CFI: variants seen among roughly 807,000 people sequenced by gnomAD.
The protein encoded by CFI is C3B/C4B inactivator.
CFI carries 66 observed loss-of-function variants against 78.8 expected under a neutral mutation model. The observed-to-expected ratio is 0.84, with a 90% CI of 0.69 to 1.03. The LOEUF (loss-of-function observed/expected upper bound fraction) is 1.03. CFI is among the 50% of genes least tolerant of loss of function. The pLI is 0.00. For missense variants in CFI, 706 were observed against 704.5 expected (o/e 1.00, Z -0.02); for synonymous variants, 250 against 232.6 (o/e 1.07, Z -0.68).
intron 8 of CFI, among the ~76,000 whole-genome samples, 190 bp from the exon 9 acceptor site, chr4:109,749,792 A>G (rs1724922211): frequency 6.6e-6 from 1 of 152,148 alleles, no homozygotes. Context: ...GCTTGATATT[A>G]AAATTGGCTT....
chr4:109,800,980 A>G (rs992936229), intron 1 of CFI, among the ~76,000 whole-genome samples: 1 of 152,212 alleles, frequency 6.6e-6, no homozygotes, highest in East Asian at 1.9e-4. Context: ...ACTATTTTAG[A>G]AGTTACAAGA....
intron 1 of CFI, among the ~76,000 whole-genome samples, chr4:109,786,087 C>A (rs1730702341): frequency 6.6e-6 from 1 of 151,928 alleles, no homozygotes; most frequent in East Asian, 1.9e-4. Flanking sequence ...AGAGTGAGTG[C>A]AGTGACAATT....
chr4:109,742,848 G>A (rs1046994233), intron 11 of CFI, among the ~76,000 whole-genome samples: 1 of 152,170 alleles, frequency 6.6e-6, no homozygotes, highest in Non-Finnish European at 1.5e-5. Context: ...ACCTTAAGTT[G>A]AATGAGATAA....
intron 1 of CFI, among the ~76,000 whole-genome samples, chr4:109,778,743 G>C (rs909628628): frequency 6.6e-6 from 1 of 152,174 alleles, no homozygotes; most frequent in African/African-American, 2.4e-5. Flanking sequence ...TAAAATACTG[G>C]CAAACCGAAT....
chr4:109,747,961 A>G (rs1724683964), intron 10 of CFI, among the ~76,000 whole-genome samples: 2 of 152,168 alleles, frequency 1.3e-5, no homozygotes, highest in African/African-American at 2.4e-5. Flanking sequence ...GGTGGAGCTC[A>G]GGTGGTAATG....
chr4:109,758,787 G>C (rs1726642588), intron 6 of CFI, among the ~76,000 whole-genome samples: 1 of 152,188 alleles, frequency 6.6e-6, no homozygotes, highest in African/African-American at 2.4e-5. Flanking sequence ...ATACATGCAA[G>C]ACTCATCAAG....
intron 1 of CFI, among the ~76,000 whole-genome samples, chr4:109,773,017 A>T (rs1728787107): frequency 6.6e-6 from 1 of 152,218 alleles, no homozygotes; most frequent in East Asian, 1.9e-4. Context: ...TCCTTTGGCC[A>T]GTGAAATGTA....
At chr4:109,733,117 G>A in the CFI span, among the ~76,000 whole-genome samples, 9 of 151,174 alleles carry the variant, frequency 6.0e-5, no homozygotes, top group Non-Finnish European at 1.3e-4. Context: ...GATTACAGGT[G>A]CCCGCCACCA....
In CFI at chr4:109,761,610, A is replaced by G. The variant is rs776520718; in HGVS notation, c.565T>C (p.Leu189=). 1 of 1,613,864 alleles carries G rather than the reference A, an allele frequency of 6.2e-7. No homozygotes were observed. Among genetic ancestry groups the G allele is most frequent in the African/African-American group, 1.3e-5 (1 of 75,042 alleles). The change falls in exon 4 of 13, where the codon TTA becomes CTA. Residue 189 remains leucine (L), a synonymous_variant. Coordinates refer to ENST00000394634, the MANE Select transcript of CFI (RefSeq NM_000204.5). The part of the protein sequence containing the change: ...TECLHVHCRG[L]ETSLAECTFT... Reference sequence around the variant, plus strand: ...GTACATTCAGCCAAACTGGTCTCTAATCCTCGGCAATGCACATGTAGACAT... The same window carrying G: ...GTACATTCAGCCAAACTGGTCTCTAGTCCTCGGCAATGCACATGTAGACAT...
intron 1 of CFI, among the ~76,000 whole-genome samples, chr4:109,769,283 A>G (rs574654957): frequency 1.9e-4 from 29 of 152,320 alleles, no homozygotes; most frequent in Non-Finnish European, 3.4e-4. Context: ...AAAACAAAAA[A>G]TTAAAGGATG....
intron 7 of CFI, 48 bp from the exon 8 acceptor site, chr4:109,752,551 C>A (rs752139821): frequency 2.7e-6 from 4 of 1,481,162 alleles, no homozygotes; most frequent in South Asian, 2.3e-5. Context: ...TAATTATAGT[C>A]AAAATGAAAT....
chr4:109,778,750 G>T (rs975557678), intron 1 of CFI, among the ~76,000 whole-genome samples: 2 of 152,142 alleles, frequency 1.3e-5, no homozygotes, highest in African/African-American at 4.8e-5. Context: ...CTGGCAAACC[G>T]AATCCAGCAG....
intron 1 of CFI, among the ~76,000 whole-genome samples, chr4:109,767,903 C>A (rs892173504): frequency 1.3e-5 from 2 of 151,994 alleles, no homozygotes; most frequent in African/African-American, 4.8e-5. Flanking sequence ...CAATGATAGA[C>A]CAGATTAAGA....
chr4:109,798,061 C>G (rs534177555), intron 1 of CFI, among the ~76,000 whole-genome samples: 2 of 152,230 alleles, frequency 1.3e-5, no homozygotes, highest in South Asian at 2.1e-4. Context: ...GGACATTAAT[C>G]TAAGTGAAAC....
rs529622570 is a variant in CFI at position 109,777,874 on chromosome 4, G to T, written c.58-11050C>A. ...CACGGAAACTGAACAACCTGCTCCCGAATGACTACTGGGTACATAACGAAA... is the reference window on the plus strand; with the variant it reads ...CACGGAAACTGAACAACCTGCTCCCTAATGACTACTGGGTACATAACGAAA... On this transcript the variant is annotated intron_variant, in intron 1 of 12. Transcript: ENST00000394634. Among the ~76,000 whole-genome samples the T allele has an allele frequency of 5.3e-3, 813 of 152,160 alleles. 6 individuals carry two copies. The highest frequency in any genetic ancestry group is 0.019 in the African/African-American group (779 of 41,500).
chr4:109,760,583 T>C lies in CFI; in HGVS notation c.712A>G (p.Met238Val). ...QCVNGKYISQMKACDGINDCG... is the reference protein window; with the variant it reads ...QCVNGKYISQVKACDGINDCG... ...TCATTGATACCATCACAGGCTTTCA[T>C]CTGAGAAATGTATTTCCCATTCACA... Residue 238 changes from methionine to valine, a missense_variant, in exon 5 of 13, where the codon ATG (methionine) becomes GTG (valine). Coordinates refer to ENST00000394634, the MANE Select transcript of CFI (RefSeq NM_000204.5). The C allele has an allele frequency of 6.2e-7, 1 of 1,611,712 alleles. No individual in the cohort carries two copies. Among genetic ancestry groups the C allele is most frequent in the Non-Finnish European group, 8.5e-7 (1 of 1,177,824 alleles).
chr4:109,754,008 G>C (rs1725781399), intron 7 of CFI, among the ~76,000 whole-genome samples: 1 of 148,864 alleles, frequency 6.7e-6, no homozygotes, highest in Non-Finnish European at 1.5e-5. Flanking sequence ...TTTTGAGACG[G>C]AGTCTCACTC....
intron 1 of CFI, among the ~76,000 whole-genome samples, chr4:109,783,506 T>C (rs1475084621): frequency 6.6e-6 from 1 of 151,700 alleles, no homozygotes; most frequent in Non-Finnish European, 1.5e-5. Context: ...ATGGCCATAA[T>C]AAAAAAATAA....
intron 12 of CFI, chr4:109,741,403 T>C: frequency 1.0e-6 from 1 of 975,040 alleles, no homozygotes; most frequent in Non-Finnish European, 1.2e-6. Flanking sequence ...CATCAAATGC[T>C]GAGTAGGAAA....
Sources: gnomAD v4.1 joint callset for allele counts (sites outside exome capture counted in the v4.1 genomes callset) on GRCh38, gnomAD v4.1.1 for gene constraint, MANE v1.5 for transcripts, NCBI Gene and HGNC (gene_info 2026-07-23, HGNC 2026-07-21) for gene names.